CCSER1: variants seen among roughly 807,000 people sequenced by gnomAD.
CCSER1 encodes coiled-coil serine rich protein 1.
CCSER1 carries 41 observed loss-of-function variants against 82.0 expected under a neutral mutation model. The ratio of observed to expected loss-of-function variants is 0.50; its 90% CI spans 0.39 to 0.65. The LOEUF is 0.65. Among genes scored for constraint, CCSER1 ranks in the 30% least tolerant of loss-of-function variants. The pLI is 0.00. For missense variants in CCSER1, 1,119 were observed against 1,064.2 expected (o/e 1.05, Z -0.72); for synonymous variants, 414 against 383.9 (o/e 1.08, Z -0.92).
In CCSER1 at chr4:91,604,849, C is replaced by A. The variant is rs1028766527; in HGVS notation, c.*5792C>A. On this transcript the variant is annotated 3_prime_UTR_variant, in exon 11 of 11. Transcript: ENST00000509176. ...AATAAAATGTATTATATTTTGTAGT[C>A]AATTATATATACCAAAATAATGTCT... The A allele has an allele frequency of 6.6e-6, 1 of 151,800 alleles. No individual in the cohort carries two copies. The highest frequency in any genetic ancestry group is 1.5e-5 in the Non-Finnish European group (1 of 67,900). The allele number at this position is 151,800 out of a possible 1,614,324, so 9.4% of individuals were successfully genotyped here. A position where few individuals can be genotyped will look rare whatever the true frequency, so the allele number is the denominator to read the frequency against.
At chr4:90,691,093 G>A (rs1735734076) in intron 6 of CCSER1, among the ~76,000 whole-genome samples, 1 of 151,844 alleles carries the variant, frequency 6.6e-6, no homozygotes, top group Admixed American at 6.6e-5. Context: ...AGACATGATA[G>A]GTCTTTAGTA....
At chr4:90,757,933 C>CTTTT (rs200053849) in intron 7 of CCSER1, among the ~76,000 whole-genome samples, 7 of 136,484 alleles carry the variant, frequency 5.1e-5, no homozygotes, top group African/African-American at 5.4e-5. Flanking sequence ...GTTTCCTTTT[C>CTTTT]TTTTTTTTTT....
At chr4:90,217,268 C>T (rs1171361826) in intron 1 of CCSER1, among the ~76,000 whole-genome samples, 1 of 152,122 alleles carries the variant, frequency 6.6e-6, no homozygotes, top group Non-Finnish European at 1.5e-5. Flanking sequence ...GCGATCTCGG[C>T]TCACTGCAGC....
At chr4:91,316,893 A>G (rs937093367) in intron 10 of CCSER1, among the ~76,000 whole-genome samples, 3 of 152,128 alleles carry the variant, frequency 2.0e-5, no homozygotes, top group Admixed American at 6.6e-5. Context: ...CAGAAGATGG[A>G]GGTGAACGGG....
chr4:90,460,493 G>A (rs1332525975), intron 4 of CCSER1, among the ~76,000 whole-genome samples: 3 of 151,908 alleles, frequency 2.0e-5, no homozygotes, highest in Non-Finnish European at 4.4e-5. Flanking sequence ...GGTGATATGA[G>A]GTAAGCCTGA....
intron 9 of CCSER1, among the ~76,000 whole-genome samples, chr4:91,056,287 C>T (rs544835709): frequency 6.6e-6 from 1 of 151,702 alleles, no homozygotes; most frequent in East Asian, 1.9e-4. Flanking sequence ...TGACAGAATA[C>T]CTGAGACTGG....
At chr4:90,624,044 A>G (rs574981022) in intron 5 of CCSER1, among the ~76,000 whole-genome samples, 4 of 152,348 alleles carry the variant, frequency 2.6e-5, no homozygotes, top group Middle Eastern at 6.8e-3. Flanking sequence ...GCTCTACTTA[A>G]TGAAGCTTTG....
intron 9 of CCSER1, among the ~76,000 whole-genome samples, chr4:90,986,243 C>T (rs1403081484): frequency 6.6e-6 from 1 of 151,608 alleles, no homozygotes; most frequent in African/African-American, 2.4e-5. Context: ...GTCTTTTTCT[C>T]TTAACTTATA....
intron 7 of CCSER1, among the ~76,000 whole-genome samples, chr4:90,786,387 G>T (rs1754523244): frequency 6.6e-6 from 1 of 151,952 alleles, no homozygotes; most frequent in African/African-American, 2.4e-5. Context: ...CTATAACATG[G>T]TTCCAATAGG....
At chr4:90,156,455 C>G (rs1007455709) in intron 1 of CCSER1, among the ~76,000 whole-genome samples, 55 of 152,224 alleles carry the variant, frequency 3.6e-4, no homozygotes, top group African/African-American at 1.3e-3. Context: ...GTTGATCTGT[C>G]TAATGTTGAC....
chr4:91,377,512 T>A lies in CCSER1; in HGVS notation c.2218-221060T>A, dbSNP rs188724468. Among the ~76,000 whole-genome samples the A allele has an allele frequency of 3.3e-4, 50 of 152,372 alleles. No homozygotes were observed. The East Asian group carries it at 9.1e-3, about 28-fold the overall frequency. On this transcript the variant is annotated intron_variant, in intron 10 of 10. Transcript: ENST00000509176. ...TCTCTGATGGCCAGTGATGTGAGCATGTTTTCATGTATTTGTTGGCTGCAT... is the reference window on the plus strand; with the variant it reads ...TCTCTGATGGCCAGTGATGTGAGCAAGTTTTCATGTATTTGTTGGCTGCAT...
At chr4:91,085,850 T>C in intron 9 of CCSER1, 100 bp from the exon 10 acceptor site, 3 of 729,056 alleles carry the variant, frequency 4.1e-6, no homozygotes, top group Non-Finnish European at 7.1e-6. Flanking sequence ...TTGTTACGAA[T>C]AAGTGAATTA....
chr4:91,234,870 T>C (rs1465366703), intron 10 of CCSER1, among the ~76,000 whole-genome samples: 1 of 152,104 alleles, frequency 6.6e-6, no homozygotes, highest in Non-Finnish European at 1.5e-5. Context: ...AAACTCACGT[T>C]ATCATTGCCT....
intron 10 of CCSER1, among the ~76,000 whole-genome samples, chr4:91,220,431 G>A (rs1227407646): frequency 6.6e-6 from 1 of 152,180 alleles, no homozygotes; most frequent in Non-Finnish European, 1.5e-5. Context: ...TTATGATTAT[G>A]TGATTAACAG....
At chr4:90,155,408 A>T (rs59833504) in intron 1 of CCSER1, among the ~76,000 whole-genome samples, 41,243 of 151,930 alleles carry the variant, frequency 0.27, 6,956 homozygotes, top group East Asian at 0.64. Context: ...TGAGTTAGGG[A>T]GGATTCCCTC....
intron 5 of CCSER1, among the ~76,000 whole-genome samples, chr4:90,604,810 G>A (rs2201727): frequency 0.99 from 149,999 of 152,254 alleles, 73,894 homozygotes; most frequent in East Asian, 1. Flanking sequence ...AAATGCACCA[G>A]TCAGCACTGT....
In CCSER1 at chr4:91,182,934, C is replaced by G. The variant is rs144413225; in HGVS notation, c.2217+96940C>G. On this transcript the variant is annotated intron_variant, in intron 10 of 10. Transcript: ENST00000509176. Reference sequence around the variant, plus strand: ...GGGCATCCCTGTATAATAGCTTTAGCTTCTTTCCAGGTAATGCTGTATCTG... The same window carrying G: ...GGGCATCCCTGTATAATAGCTTTAGGTTCTTTCCAGGTAATGCTGTATCTG... 2.9e-3 allele frequency among the ~76,000 whole-genome samples: 446 copies of G among 152,328 alleles called. 4 individuals carry two copies. Among genetic ancestry groups the G allele is most frequent in the African/African-American group, 0.01 (429 of 41,572 alleles).
rs151184497 is a variant in CCSER1 at position 91,177,497 on chromosome 4, G to T, written c.2217+91503G>T. On this transcript the variant is annotated intron_variant, in intron 10 of 10. Coordinates refer to ENST00000509176, the MANE Select transcript of CCSER1 (RefSeq NM_001145065.2). ...TACCAATTGTTGCCTCAATTTCAGA[G>T]CCTGTTATTGGTCTATTCAGGGATT... is the stretch of plus-strand genomic sequence containing the variant. Among the ~76,000 whole-genome samples, 742 of 152,218 alleles carry T rather than the reference G, an allele frequency of 4.9e-3. 6 individuals carry two copies. The highest frequency in any genetic ancestry group is 0.017 in the African/African-American group (698 of 41,538).
chr4:91,282,119 TTGTATAG>T (rs777258942), intron 10 of CCSER1, among the ~76,000 whole-genome samples: 18 of 152,288 alleles, frequency 1.2e-4, no homozygotes, highest in Non-Finnish European at 2.4e-4. Context: ...AAAATCAGCC[TTGTATAG>T]TGAATATTGT....
Sources: allele counts gnomAD v4.1 joint callset (sites outside exome capture counted in the v4.1 genomes callset), GRCh38; gene constraint gnomAD v4.1.1; transcripts MANE v1.5; gene names NCBI Gene and HGNC (gene_info 2026-07-23, HGNC 2026-07-21).